Variants in AGBL4 observed in about 807,000 individuals in gnomAD.
AGBL4 encodes the protein cytosolic carboxypeptidase 6.
AGBL4 carries 58 observed loss-of-function variants against 66.4 expected under a neutral mutation model. That is an observed-to-expected ratio of 0.87 (90% CI 0.71 to 1.09). The LOEUF is 1.09. Among genes scored for constraint, AGBL4 ranks in the 50% least tolerant of loss-of-function variants. The pLI is 0.00. For missense variants in AGBL4, 579 were observed against 631.0 expected (o/e 0.92, Z 0.88); for synonymous variants, 234 against 222.9 (o/e 1.05, Z -0.44).
At chr1:49,171,175 T>C (rs1406707499) in intron 4 of AGBL4, among the ~76,000 whole-genome samples, 2 of 152,238 alleles carry the variant, frequency 1.3e-5, no homozygotes, top group Non-Finnish European at 2.9e-5. Flanking sequence ...ATACATATTC[T>C]ACAGTTAATT....
At chr1:49,744,373 T>A (rs932170781) in intron 2 of AGBL4, among the ~76,000 whole-genome samples, 6 of 152,180 alleles carry the variant, frequency 3.9e-5, no homozygotes, top group Non-Finnish European at 7.3e-5. Context: ...GATTGGAAAC[T>A]TTCTGATTCC....
chr1:49,774,176 T>A (rs1266885512), intron 2 of AGBL4, among the ~76,000 whole-genome samples: 1 of 152,174 alleles, frequency 6.6e-6, no homozygotes, highest in Non-Finnish European at 1.5e-5. Context: ...CAAATTGGAC[T>A]CAAGGTCTGT....
chr1:49,085,889 A>C (rs1644898032), intron 4 of AGBL4, among the ~76,000 whole-genome samples: 1 of 152,150 alleles, frequency 6.6e-6, no homozygotes, highest in African/African-American at 2.4e-5. Context: ...TCTTGAGTCC[A>C]AGGGGACCGC....
At chr1:49,572,540 GCTGT>G (rs1317741712) in intron 3 of AGBL4, among the ~76,000 whole-genome samples, 6 of 151,866 alleles carry the variant, frequency 4.0e-5, no homozygotes, top group South Asian at 2.1e-4. Flanking sequence ...ATTTTTTTCT[GCTGT>G]CTATTTCATT....
intron 6 of AGBL4, among the ~76,000 whole-genome samples, chr1:48,866,555 T>C (rs572541608): frequency 2.0e-5 from 3 of 152,350 alleles, no homozygotes; most frequent in Admixed American, 6.5e-5. Flanking sequence ...GTACCTCTTT[T>C]TGTCCAACTT....
intron 4 of AGBL4, among the ~76,000 whole-genome samples, chr1:49,202,228 T>C (rs1647764979): frequency 6.6e-6 from 1 of 152,206 alleles, no homozygotes; most frequent in South Asian, 2.1e-4. Flanking sequence ...TGTTTAATGA[T>C]GAATAATTCA....
rs537948130 is a variant in AGBL4, at chr1:49,932,580, A to G, written c.35-81062T>C. On this transcript the variant is annotated intron_variant, in intron 1 of 13. Transcript: ENST00000371839. The stretch of plus-strand genomic sequence containing the variant: ...GGAAGTCAAGACACTAACCGGATGA[A>G]AAGTGTAAATCAGGTATCTGATAAA... Among the ~76,000 whole-genome samples, 30 of 152,296 alleles carry G rather than the reference A, an allele frequency of 2.0e-4. No homozygotes were observed. The South Asian group carries it at 5.6e-3, about 28-fold the overall frequency.
At chr1:48,894,927 T>C (rs1651354932) in intron 5 of AGBL4, among the ~76,000 whole-genome samples, 1 of 152,240 alleles carries the variant, frequency 6.6e-6, no homozygotes, top group Non-Finnish European at 1.5e-5. Flanking sequence ...TTATGCTTCA[T>C]CATATTAGCC....
intron 2 of AGBL4, among the ~76,000 whole-genome samples, chr1:49,760,362 T>C (rs1652213465): frequency 6.6e-6 from 1 of 152,208 alleles, no homozygotes; most frequent in Non-Finnish European, 1.5e-5. Flanking sequence ...TGTCATGAAG[T>C]CTTTGCCCAT....
chr1:49,195,092 T>C lies in AGBL4; in HGVS notation c.377+50678A>G, dbSNP rs77700767. On this transcript the variant is annotated intron_variant, in intron 4 of 13. Coordinates refer to ENST00000371839, the MANE Select transcript of AGBL4 (RefSeq NM_032785.4). ...CCTAGCTTCAAGTGATCATCCCACT[T>C]CCACCTTCCAAAATGTCGAGATTGA... Among the ~76,000 whole-genome samples, 66 of 152,234 alleles carry C rather than the reference T, an allele frequency of 4.3e-4. 1 individual carries two copies. The East Asian group carries it at 0.01, about 24-fold the overall frequency.
At chr1:49,070,913 A>C (rs1644590480) in intron 4 of AGBL4, among the ~76,000 whole-genome samples, 2 of 151,914 alleles carry the variant, frequency 1.3e-5, no homozygotes, top group Admixed American at 1.3e-4. Flanking sequence ...TATTGCCTCA[A>C]TTTCAGAACC....
chr1:49,652,724 G>T (rs1209604137), intron 3 of AGBL4, among the ~76,000 whole-genome samples: 1 of 152,164 alleles, frequency 6.6e-6, no homozygotes, highest in African/African-American at 2.4e-5. Flanking sequence ...ACAGTTCAAG[G>T]CCAGACAGCG....
intron 6 of AGBL4, among the ~76,000 whole-genome samples, chr1:48,685,913 A>C (rs189348298): frequency 2.6e-5 from 4 of 152,342 alleles, no homozygotes; most frequent in Admixed American, 2.6e-4. Flanking sequence ...GCATCTTAGA[A>C]TCTACTAAGC....
intron 3 of AGBL4, among the ~76,000 whole-genome samples, chr1:49,519,864 T>C (rs1650118609): frequency 6.6e-6 from 1 of 152,036 alleles, no homozygotes; most frequent in Non-Finnish European, 1.5e-5. Context: ...AGGCATAGAG[T>C]GCTGTAGAAC....
chr1:48,884,301 T>TG (rs149051065), intron 5 of AGBL4, among the ~76,000 whole-genome samples: 6 of 151,184 alleles, frequency 4.0e-5, no homozygotes, highest in Admixed American at 6.6e-5. Flanking sequence ...TTTGTTTGTT[T>TG]TTTTGTTTTG....
chr1:48,783,136 TTTGCTGTGC>T, intron 6 of AGBL4, among the ~76,000 whole-genome samples: 1 of 152,302 alleles, frequency 6.6e-6, no homozygotes, highest in Non-Finnish European at 1.5e-5. Context: ...AGAAAAGTAA[TTTGCTGTGC>T]TGCAAGCTGA....
intron 4 of AGBL4, among the ~76,000 whole-genome samples, chr1:49,138,012 TG>T (rs1199302618): frequency 6.6e-6 from 1 of 152,106 alleles, no homozygotes; most frequent in African/African-American, 2.4e-5. Flanking sequence ...GCAGGGATTC[TG>T]GGCAAAATGA....
At chr1:48,558,844 T>C (rs1272831996) in intron 11 of AGBL4, among the ~76,000 whole-genome samples, 3 of 152,224 alleles carry the variant, frequency 2.0e-5, no homozygotes, top group African/African-American at 7.2e-5. Context: ...TCAGTTTGAG[T>C]TGGGTTTTCT....
chr1:49,173,468 A>G (rs1646775372), intron 4 of AGBL4, among the ~76,000 whole-genome samples: 1 of 152,184 alleles, frequency 6.6e-6, no homozygotes, highest in Admixed American at 6.5e-5. Context: ...TCTAATCCCA[A>G]GAAGGACTTT....
Sources: allele counts gnomAD v4.1 joint callset (sites outside exome capture counted in the v4.1 genomes callset), GRCh38; gene constraint gnomAD v4.1.1; transcripts MANE v1.5; gene names NCBI Gene and HGNC (gene_info 2026-07-23, HGNC 2026-07-21).